Variants in PAGE1 observed in about 807,000 individuals in gnomAD.
PAGE1 encodes P antigen family member 1.
A neutral mutation model predicts 11.5 loss-of-function variants in PAGE1; 6 were observed. The ratio of observed to expected loss-of-function variants is 0.52; its 90% CI spans 0.29 to 1.03. PAGE1 has a LOEUF of 1.03. Among genes scored for constraint, PAGE1 ranks in the 50% least tolerant of loss-of-function variants. The pLI, the probability that PAGE1 is intolerant of heterozygous loss-of-function variation, is 0.09. For synonymous variants in PAGE1, 42 were observed against 40.2 expected (o/e 1.05, Z -0.17); for missense variants, 120 against 110.2 (o/e 1.09, Z -0.40).
intron 4 of PAGE1, among the ~76,000 whole-genome samples, chrX:49,690,114 T>C (rs782763506): frequency 1.3e-5 from 1 of 74,089 alleles, no homozygotes; most frequent in Non-Finnish European, 2.5e-5. Context: ...TATATACACA[T>C]ATATATGTGT....
chrX:49,690,953 G>A (rs570580785), intron 4 of PAGE1, among the ~76,000 whole-genome samples: 1 of 111,469 alleles, frequency 9.0e-6, no homozygotes, highest in Admixed American at 9.5e-5. Context: ...TAAGCTGGGT[G>A]GATCATCTGA....
intron 3 of PAGE1, among the ~76,000 whole-genome samples, chrX:49,692,236 C>T (rs1216914943): frequency 8.9e-6 from 1 of 111,898 alleles, no homozygotes; most frequent in Non-Finnish European, 1.9e-5. Flanking sequence ...TGCAGGTTCT[C>T]ATTGTTAAAT....
At chrX:49,689,381 G>C in intron 5 of PAGE1, 37 bp downstream of exon 5, 1 of 1,015,229 alleles carries the variant, frequency 9.8e-7, no homozygotes, top group Non-Finnish European at 1.3e-6. Context: ...TGTGGAAACA[G>C]ACACCCTACA....
At chrX:49,695,101 G>A (rs1389139849) in intron 1 of PAGE1, among the ~76,000 whole-genome samples, 3 of 112,829 alleles carry the variant, frequency 2.7e-5, no homozygotes, top group East Asian at 2.8e-4. Context: ...TCGACCTCCC[G>A]CTCACGCGAT....
In PAGE1 at chrX:49,694,186, G is replaced by C. The variant is rs782572779; in HGVS notation, c.79C>G (p.Gln27Glu). 6.0e-6 allele frequency: 7 copies of C among 1,164,248 alleles called. 1 individual carries two copies. The South Asian group carries it at 1.3e-4, about 22-fold the overall frequency. ...GTTGGTGATTCCACTTCGTCAGGTTGCTCATCACTGGACTCCTTGTGGTAG... is the reference window on the plus strand; with the variant it reads ...GTTGGTGATTCCACTTCGTCAGGTTCCTCATCACTGGACTCCTTGTGGTAG... ...VESSEESSDE[Q>E]PDEVESPTQS... Residue 27 changes from glutamine (Q) to glutamate (E), a missense_variant, in exon 3 of 6, where the codon CAA (glutamine) becomes GAA (glutamate). Coordinates refer to ENST00000376150, the MANE Select transcript of PAGE1 (RefSeq NM_003785.4).
rs782735278 is a variant in PAGE1, at chrX:49,694,071, C to A, written c.166+28G>T. 5.6e-6 allele frequency: 5 copies of A among 900,812 alleles called. 1 individual carries two copies. In the South Asian group the frequency reaches 8.3e-5, roughly 15 times the overall value. 74.2% of individuals were successfully genotyped at this position (900,812 alleles called of 1,213,427 possible). ...ACACACACACACACACACACCCCAA[C>A]AGGCATTCTTCTTCCCTTTCCCTTC... On this transcript the variant is annotated intron_variant, in intron 3 of 5. Coordinates refer to ENST00000376150, the MANE Select transcript of PAGE1 (RefSeq NM_003785.4).
chrX:49,695,638 T>C (rs1172702080), intron 1 of PAGE1, among the ~76,000 whole-genome samples: 2 of 112,057 alleles, frequency 1.8e-5, no homozygotes, highest in Non-Finnish European at 3.8e-5. Context: ...CCGCTTCCCC[T>C]TCATGGCCCA....
At chrX:49,688,051 C>A (rs1467965369) in intron 5 of PAGE1, among the ~76,000 whole-genome samples, 1 of 112,841 alleles carries the variant, frequency 8.9e-6, no homozygotes. Flanking sequence ...GCATCTTACT[C>A]ACACCCATGC....
At chrX:49,694,025 C>A in intron 3 of PAGE1, 74 bp downstream of exon 3, 1 of 234,126 alleles carries the variant, frequency 4.3e-6, no homozygotes, top group Non-Finnish European at 6.9e-6. Context: ...GCATGAGACA[C>A]ACACACACAC....
At chrX:49,690,022 TAC>T (rs1256545564) in intron 4 of PAGE1, among the ~76,000 whole-genome samples, 1 of 68,983 alleles carries the variant, frequency 1.4e-5, no homozygotes, top group Non-Finnish European at 2.6e-5. Flanking sequence ...TGTGTGTATA[TAC>T]ACACATATAT....
chrX:49,690,409 T>C (rs1242248737), intron 4 of PAGE1, among the ~76,000 whole-genome samples: 1 of 109,532 alleles, frequency 9.1e-6, no homozygotes, highest in Non-Finnish European at 1.9e-5. Flanking sequence ...CTTCTGATTG[T>C]CCTTATCATA....
intron 5 of PAGE1, 143 bp from the exon 6 acceptor site, chrX:49,687,706 G>A (rs4824800): frequency 0.017 from 7,838 of 465,886 alleles, 161 homozygotes; most frequent in East Asian, 0.094. Flanking sequence ...GTGTCTTATA[G>A]CCAAGTAAAC....
chrX:49,695,269 A>C (rs1008507836), intron 1 of PAGE1, among the ~76,000 whole-genome samples: 1 of 112,198 alleles, frequency 8.9e-6, no homozygotes, highest in Non-Finnish European at 1.9e-5. Flanking sequence ...GCACACTCCC[A>C]CTTACTAGAG....
At chrX:49,690,049 GTATATATGTGTATATACACACA>G (rs1343742934) in intron 4 of PAGE1, among the ~76,000 whole-genome samples, 4 of 54,180 alleles carry the variant, frequency 7.4e-5, no homozygotes, top group African/African-American at 2.4e-4. Context: ...GTATATATGT[GTATATATGTGTATATACACACA>G]TATATATGTG....
At chrX:49,690,053 A>G (rs1388451684) in intron 4 of PAGE1, among the ~76,000 whole-genome samples, 1 of 71,376 alleles carries the variant, frequency 1.4e-5, no homozygotes, top group Non-Finnish European at 2.6e-5. Context: ...ATATGTGTAT[A>G]TATGTGTATA....
chrX:49,691,247 A>C lies in PAGE1; in HGVS notation c.292+2T>G. 2 of 1,209,075 alleles carry C rather than the reference A, an allele frequency of 1.7e-6. No homozygotes were observed. Among genetic ancestry groups the C allele is most frequent in the Non-Finnish European group, 2.2e-6 (2 of 894,153 alleles). ...AATTTGCATGCTTAATGGACTACCT[A>C]CCTTCTGCGGGCAGTTTCATCTGCT... is the stretch of plus-strand genomic sequence containing the variant. On this transcript the variant is annotated splice_donor_variant, in intron 4 of 5. Transcript: ENST00000376150. LOFTEE classifies it high-confidence loss of function.
At chrX:49,688,425 T>C (rs782777758) in intron 5 of PAGE1, among the ~76,000 whole-genome samples, 44 of 110,328 alleles carry the variant, frequency 4.0e-4, no homozygotes, top group Non-Finnish European at 1.5e-4. Flanking sequence ...AATTCAAAAA[T>C]TGACAGTACC....
intron 3 of PAGE1, among the ~76,000 whole-genome samples, chrX:49,691,721 G>C (rs782363998): frequency 9.0e-6 from 1 of 111,720 alleles, no homozygotes; most frequent in Admixed American, 9.5e-5. Flanking sequence ...CACCTAGCAA[G>C]TTATATGGCA....
At position 49,687,449 on chromosome X, in the gene PAGE1, C is replaced by T; in HGVS notation, c.*92G>A. The T allele has an allele frequency of 1.2e-6, 1 of 851,384 alleles. No homozygotes were observed. The highest frequency in any genetic ancestry group is 2.3e-5 in the Admixed American group (1 of 43,703). The allele number at this position is 851,384 out of a possible 1,213,427, so 70.2% of individuals were successfully genotyped here. On this transcript the variant is annotated 3_prime_UTR_variant, in exon 6 of 6. Transcript: ENST00000376150. ...AATTAACAAAAGATGCACAAGACTT[C>T]TTTGCAGAAGGCTGTAAAGCTTTAT...
Sources: gnomAD v4.1 joint callset for allele counts (sites outside exome capture counted in the v4.1 genomes callset) on GRCh38, gnomAD v4.1.1 for gene constraint, MANE v1.5 for transcripts, NCBI Gene and HGNC (gene_info 2026-07-23, HGNC 2026-07-21) for gene names.